BCLAF3: variants seen among roughly 807,000 people sequenced by gnomAD.
BCLAF3 encodes the protein transient octamer binding factor 1.
Under a neutral mutation model 51.2 loss-of-function variants are expected in BCLAF3, and 24 were observed. That is an observed-to-expected ratio of 0.47 (90% CI 0.34 to 0.66). The LOEUF is 0.66. Ranked by LOEUF, BCLAF3 falls within the 30% of genes least tolerant of loss-of-function variation. The pLI, the probability that BCLAF3 is intolerant of heterozygous loss-of-function variation, is 0.01. For synonymous variants in BCLAF3, 152 were observed against 176.6 expected (o/e 0.86, Z 1.10); for missense variants, 465 against 525.1 (o/e 0.89, Z 1.12).
intron 2 of BCLAF3, among the ~76,000 whole-genome samples, chrX:19,968,558 C>G (rs1316835474): frequency 8.9e-6 from 1 of 112,941 alleles, no homozygotes; most frequent in East Asian, 2.8e-4. Context: ...GCAGTCCCAG[C>G]CCTCACGGGA....
At chrX:19,958,343 C>A (rs965316851) in intron 4 of BCLAF3, among the ~76,000 whole-genome samples, 1 of 111,864 alleles carries the variant, frequency 8.9e-6, no homozygotes, top group Non-Finnish European at 1.9e-5. Context: ...CAACAACAAC[C>A]AAAACCAACA....
chrX:19,925,063 G>A lies in BCLAF3; in HGVS notation c.2106+4722C>T, dbSNP rs751755417. On this transcript the variant is annotated intron_variant, in intron 11 of 11. Transcript: ENST00000379682. ...ATATGACAAGTACATGATGAATGAG[G>A]AAGAATTTCCGTTCTGTACTTTTCT... Among the ~76,000 whole-genome samples the A allele has an allele frequency of 2.7e-5, 3 of 111,653 alleles. No individual in the cohort carries two copies. In the East Asian group the frequency reaches 8.4e-4, roughly 31 times the overall value.
chrX:19,963,446 T>C (rs1007121539), intron 4 of BCLAF3, among the ~76,000 whole-genome samples: 3 of 110,890 alleles, frequency 2.7e-5, no homozygotes, highest in Non-Finnish European at 5.7e-5. Flanking sequence ...TTAAGACATA[T>C]GTAAAAAGAT....
intron 9 of BCLAF3, among the ~76,000 whole-genome samples, chrX:19,936,689 T>C (rs994903828): frequency 1.8e-5 from 2 of 111,851 alleles, no homozygotes; most frequent in East Asian, 5.6e-4. Context: ...TTACCGACTC[T>C]GGCTTCCATC....
intron 1 of BCLAF3, among the ~76,000 whole-genome samples, chrX:19,990,470 G>A (rs1005167897): frequency 8.8e-6 from 1 of 114,041 alleles, no homozygotes; most frequent in African/African-American, 3.2e-5. Flanking sequence ...CGGGGTACGG[G>A]GGGGTCCTCG....
At chrX:19,990,569 A>C (rs2072908372) in intron 1 of BCLAF3, among the ~76,000 whole-genome samples, 1 of 112,889 alleles carries the variant, frequency 8.9e-6, no homozygotes, top group Non-Finnish European at 1.9e-5. Flanking sequence ...CCGCCCTCTT[A>C]ACAGATGCAG....
In BCLAF3 at chrX:19,966,147, C is replaced by A; in HGVS notation, c.544G>T (p.Glu182Ter). The A allele has an allele frequency of 8.3e-7, 1 of 1,211,213 alleles. No homozygotes were observed. Among genetic ancestry groups the A allele is most frequent in the Non-Finnish European group, 1.1e-6 (1 of 895,321 alleles). Residue 182 changes from glutamate to a stop codon, truncating the protein, a stop_gained, in exon 3 of 12, where the codon GAA becomes TAA. Transcript: ENST00000379682. LOFTEE classifies it high-confidence loss of function. ...DELRHQRIQEEKYSQSTRRGS... is the reference protein window; with the variant it reads ...DELRHQRIQE ...CTTCTAGTTGACTGGGAGTATTTTT[C>A]TTCTTGTATCCTCTGGTGCCTCAAC...
Position 19,965,274 on chromosome X carries a change from G to A in BCLAF3, c.1044C>T (p.Asp348=). The A allele has an allele frequency of 2.5e-6, 3 of 1,210,238 alleles. No individual in the cohort carries two copies. The highest frequency in any genetic ancestry group is 3.4e-6 in the Non-Finnish European group (3 of 894,959). Residue 348 remains aspartate (D), a synonymous_variant, in exon 4 of 12, where the codon GAC becomes GAT. Transcript: ENST00000379682. ...TATTTGAATAAGTACAGGCAATGCT[G>A]TCTTTCTTAGACGGTTTAAAAGGTT... ...VKEPFKPSKK[D]SIACTYSNKN... is the part of the protein sequence containing the mutation.
intron 1 of BCLAF3, among the ~76,000 whole-genome samples, chrX:19,986,796 GTT>G (rs758844786): frequency 6.6e-5 from 6 of 91,192 alleles, no homozygotes; most frequent in Non-Finnish European, 8.8e-5. Context: ...ACTTGAGTCG[GTT>G]TTTTTTTTTT....
intron 10 of BCLAF3, among the ~76,000 whole-genome samples, chrX:19,932,525 ATT>A (rs58949658): frequency 1.5e-4 from 12 of 77,440 alleles, no homozygotes; most frequent in Middle Eastern, 7.9e-3. Context: ...ACAAGTCAAG[ATT>A]TTTTTTTTTT....
intron 3 of BCLAF3, 21 bp from the exon 4 acceptor site, chrX:19,965,727 T>C: frequency 9.0e-7 from 1 of 1,112,957 alleles, no homozygotes; most frequent in Non-Finnish European, 1.2e-6. Flanking sequence ...ATAAAGCAGT[T>C]TACACTTGCA....
chrX:19,962,600 T>C (rs1484693047), intron 4 of BCLAF3, among the ~76,000 whole-genome samples: 3 of 111,647 alleles, frequency 2.7e-5, no homozygotes, highest in Non-Finnish European at 5.6e-5. Context: ...TAAATGGGAG[T>C]GTACTGACAT....
intron 4 of BCLAF3, among the ~76,000 whole-genome samples, chrX:19,964,279 A>G (rs1413184577): frequency 8.9e-6 from 1 of 112,051 alleles, no homozygotes; most frequent in Non-Finnish European, 1.9e-5. Flanking sequence ...TATTATTCTC[A>G]GAATCCATAA....
At position 19,946,304 on chromosome X, in the gene BCLAF3, C is replaced by CTA. The variant is rs1367033988; in HGVS notation, c.1745+4448_1745+4449insTA. ...CGGCCATCTTGGCTCCTCAAGAAGT[C>CTA]TTTAAAGGAAAGGCTAGTATGAGGA... On this transcript the variant is annotated intron_variant, in intron 8 of 11. Transcript: ENST00000379682. Among the ~76,000 whole-genome samples the CTA allele has an allele frequency of 3.6e-5, 4 of 112,053 alleles. 1 individual carries two copies. In the South Asian group the frequency reaches 1.5e-3, roughly 42 times the overall value.
At chrX:19,931,372 C>T (rs2070547228) in intron 10 of BCLAF3, among the ~76,000 whole-genome samples, 1 of 111,691 alleles carries the variant, frequency 9.0e-6, no homozygotes, top group African/African-American at 3.3e-5. Context: ...TAATCTAAAA[C>T]AGATGGGAGC....
chrX:19,972,548 C>T (rs2072292826), intron 1 of BCLAF3, among the ~76,000 whole-genome samples: 1 of 111,802 alleles, frequency 8.9e-6, no homozygotes, highest in South Asian at 3.7e-4. Flanking sequence ...GTATACAATT[C>T]AATGTTTTTT....
At chrX:19,975,789 G>C (rs1402412375) in intron 1 of BCLAF3, among the ~76,000 whole-genome samples, 1 of 111,968 alleles carries the variant, frequency 8.9e-6, no homozygotes, top group African/African-American at 3.2e-5. Flanking sequence ...ACACATGGCT[G>C]CCAGGAGCAT....
In BCLAF3 at chrX:19,965,633, T is replaced by C; in HGVS notation, c.685A>G (p.Ser229Gly). The stretch of plus-strand genomic sequence containing the variant: ...TTTGGGTTCCTGGCAGGCTCTCTGC[T>C]TTCATACCTCTCCACGTCTTTAGGT... The part of the protein sequence containing the change: ...KRPKDVERYE[S>G]REPARNPKWK... The change falls in exon 4 of 12, where the codon AGC becomes GGC. Residue 229 changes from serine to glycine, a missense_variant. By Grantham distance (56) the Ser-to-Gly change is moderately conservative (BLOSUM62 0). Coordinates refer to ENST00000379682, the MANE Select transcript of BCLAF3 (RefSeq NM_001367774.2). 8.6e-7 allele frequency: 1 copy of C among 1,161,400 alleles called. No homozygotes were observed. The highest frequency in any genetic ancestry group is 2.0e-5 in the South Asian group (1 of 48,947).
At chrX:19,987,742 G>A (rs760743827) in intron 1 of BCLAF3, among the ~76,000 whole-genome samples, 1 of 112,475 alleles carries the variant, frequency 8.9e-6, no homozygotes, top group African/African-American at 3.2e-5. Context: ...TAAGTCTCTA[G>A]TGGGTAAGAA....
Sources: allele counts gnomAD v4.1 joint callset (sites outside exome capture counted in the v4.1 genomes callset), GRCh38; gene constraint gnomAD v4.1.1; transcripts MANE v1.5; gene names NCBI Gene and HGNC (gene_info 2026-07-23, HGNC 2026-07-21).